The following HDC variants were observed in gnomAD, a reference collection of about 807,000 sequenced individuals.
The protein encoded by HDC is histidine decarboxylase.
In HDC, 27 loss-of-function variants were observed where a neutral mutation model predicts 64.4. The ratio of observed to expected loss-of-function variants is 0.42; its 90% CI spans 0.31 to 0.58. HDC has a LOEUF of 0.58. Among genes scored for constraint, HDC ranks in the 20% least tolerant of loss-of-function variants. The probability of loss-of-function intolerance (pLI) is 0.16; values close to 1 mark genes in which losing one functional copy is unlikely to be tolerated. For missense variants in HDC, 711 were observed against 833.9 expected (o/e 0.85, Z 1.81); for synonymous variants, 305 against 314.2 (o/e 0.97, Z 0.31).
At chr15:50,262,281 T>C (rs2045714200) in intron 2 of HDC, among the ~76,000 whole-genome samples, 1 of 152,178 alleles carries the variant, frequency 6.6e-6, no homozygotes, top group Admixed American at 6.5e-5. Flanking sequence ...GGTAAAATCC[T>C]GGATCTACCA....
intron 5 of HDC, 60 bp from the exon 6 acceptor site, chr15:50,254,333 A>T: frequency 1.2e-6 from 2 of 1,603,168 alleles, no homozygotes; most frequent in Non-Finnish European, 1.7e-6. Context: ...ACCCCCCAGA[A>T]ACTGCTGAAG....
intron 4 of HDC, among the ~76,000 whole-genome samples, chr15:50,257,109 T>C (rs1420862952): frequency 6.6e-6 from 1 of 152,200 alleles, no homozygotes; most frequent in Non-Finnish European, 1.5e-5. Context: ...TTTCCCCTTT[T>C]ACCGTGAGAT....
At chr15:50,244,648 T>C (rs942608136) in intron 10 of HDC, 1 of 152,196 alleles carries the variant, frequency 6.6e-6, no homozygotes, top group Non-Finnish European at 1.5e-5. Flanking sequence ...TTTCTCCAAA[T>C]CTTTCTCAGA....
chr15:50,242,245 C>CT lies in HDC; in HGVS notation c.*14dup. ...CCTGAAGTATATCCTCAGACTCTGG[C>CT]TGAAGGCCCTGTGTCTAAACCATGG... On this transcript the variant is annotated 3_prime_UTR_variant, in exon 12 of 12. Transcript: ENST00000267845. 6.2e-7 allele frequency: 1 copy of CT among 1,610,432 alleles called. No homozygotes were observed. Among genetic ancestry groups the CT allele is most frequent in the Non-Finnish European group, 8.5e-7 (1 of 1,176,638 alleles).
intron 9 of HDC, among the ~76,000 whole-genome samples, chr15:50,249,892 T>A (rs2045531756): frequency 6.6e-6 from 1 of 152,252 alleles, no homozygotes; most frequent in Admixed American, 6.5e-5. Flanking sequence ...CCAAAACTGA[T>A]CCATGCTGAC....
chr15:50,263,788 A>AT (rs2045735770), intron 1 of HDC, among the ~76,000 whole-genome samples: 1 of 152,174 alleles, frequency 6.6e-6, no homozygotes, highest in African/African-American at 2.4e-5. Context: ...CTCAAAAAAA[A>AT]GAGAGAGACA....
At chr15:50,261,391 GGATCTAGCCTCCGTAAAGCCTTACT>G (rs1473652761) in intron 2 of HDC, among the ~76,000 whole-genome samples, 7 of 152,158 alleles carry the variant, frequency 4.6e-5, no homozygotes, top group African/African-American at 1.7e-4. Context: ...AATCTTATCA[GGATCTAGCCTCCGTAAAGCCTTACT>G]GATATTGACA....
chr15:50,249,588 G>A (rs2045527390), intron 9 of HDC, among the ~76,000 whole-genome samples: 2 of 152,146 alleles, frequency 1.3e-5, no homozygotes, highest in African/African-American at 4.8e-5. Context: ...GCAGCTTGGG[G>A]GCTTTTGTGC....
Position 50,252,736 on chromosome 15 carries a change from AAGC to A in HDC, c.823_825del (p.Ala275del). On this transcript the variant is annotated inframe_deletion, in exon 8 of 12. Coordinates refer to ENST00000267845, the MANE Select transcript of HDC (RefSeq NM_002112.4). Reference sequence around the variant, plus strand: ...GGGCACAGGAAGGCAGTGCCTGCATAAGCAGCATCGATGTGGAGCCACAGCCCC... The same window carrying A: ...GGGCACAGGAAGGCAGTGCCTGCATAAGCATCGATGTGGAGCCACAGCCCC... 1 of 1,614,010 alleles carries A rather than the reference AAGC, an allele frequency of 6.2e-7. No individual in the cohort carries two copies. Among genetic ancestry groups the A allele is most frequent in the Middle Eastern group, 1.6e-4 (1 of 6,062 alleles).
intron 4 of HDC, among the ~76,000 whole-genome samples, chr15:50,254,984 C>A (rs950319103): frequency 6.6e-6 from 1 of 152,102 alleles, no homozygotes; most frequent in African/African-American, 2.4e-5. Context: ...GATGTGTTTG[C>A]TCCCCATGTA....
intron 9 of HDC, among the ~76,000 whole-genome samples, chr15:50,251,423 C>G (rs1306813025): frequency 6.6e-6 from 1 of 152,206 alleles, no homozygotes; most frequent in African/African-American, 2.4e-5. Flanking sequence ...TCTCATTTTA[C>G]AGATAAGGAA....
intron 2 of HDC, among the ~76,000 whole-genome samples, chr15:50,262,261 A>T (rs1413833485): frequency 6.6e-6 from 1 of 152,080 alleles, no homozygotes; most frequent in African/African-American, 2.4e-5. Flanking sequence ...GTGAAGTAAG[A>T]CTGGTCTAGG....
At chr15:50,257,297 G>C in intron 4 of HDC, 128 bp downstream of exon 4, 1 of 1,131,138 alleles carries the variant, frequency 8.8e-7, no homozygotes, top group East Asian at 2.4e-5. Context: ...TGATGGTGCT[G>C]TTGGTGATGA....
At chr15:50,254,019 G>A in intron 6 of HDC, 111 bp downstream of exon 6, 2 of 1,133,806 alleles carry the variant, frequency 1.8e-6, no homozygotes, top group Non-Finnish European at 2.6e-6. Flanking sequence ...TACTGTATGG[G>A]AGGACCTTTC....
At position 50,242,680 on chromosome 15, in the gene HDC, G is replaced by C. The variant is rs1482348453; in HGVS notation, c.1569C>G (p.Ile523Met). 1 of 1,614,182 alleles carries C rather than the reference G, an allele frequency of 6.2e-7. No individual in the cohort carries two copies. The highest frequency in any genetic ancestry group is 8.5e-7 in the Non-Finnish European group (1 of 1,180,030). The change falls in exon 12 of 12, where the codon ATC (isoleucine) becomes ATG (methionine). Residue 523 changes from isoleucine to methionine, a missense_variant. By Grantham distance (10) the Ile-to-Met change is conservative (BLOSUM62 1). Coordinates refer to ENST00000267845, the MANE Select transcript of HDC (RefSeq NM_002112.4). The stretch of plus-strand genomic sequence containing the variant: ...CGGCTCCCACACGCTGAGGCTGCTT[G>C]ATGATCTTCCTGGCCTGGACTGGAT... ...GDDPVQARKI[I>M]KQPQRVGAGP...
intron 1 of HDC, 111 bp from the exon 2 acceptor site, chr15:50,263,518 T>C: frequency 9.7e-7 from 1 of 1,035,000 alleles, no homozygotes; most frequent in African/African-American, 1.6e-5. Flanking sequence ...GGAGATGGAT[T>C]TGGCCGGGCA....
chr15:50,251,445 G>C (rs2045552937), intron 9 of HDC, among the ~76,000 whole-genome samples: 1 of 152,174 alleles, frequency 6.6e-6, no homozygotes, highest in Admixed American at 6.5e-5. Flanking sequence ...GCAAGGCTCA[G>C]AGAGGTCCAG....
At chr15:50,258,568 C>G (rs752369992) in intron 2 of HDC, 51 bp from the exon 3 acceptor site, 4 of 1,076,484 alleles carry the variant, frequency 3.7e-6, no homozygotes, top group South Asian at 1.3e-5. Flanking sequence ...TTCCAGCAGG[C>G]TTTCTTTCTC....
intron 9 of HDC, among the ~76,000 whole-genome samples, chr15:50,250,358 A>G (rs1201432492): frequency 6.6e-6 from 1 of 152,194 alleles, no homozygotes; most frequent in Non-Finnish European, 1.5e-5. Flanking sequence ...ATGGACTTGA[A>G]AATCAAATCC....
Sources: gnomAD v4.1 joint callset for allele counts (sites outside exome capture counted in the v4.1 genomes callset) on GRCh38, gnomAD v4.1.1 for gene constraint, MANE v1.5 for transcripts, NCBI Gene and HGNC (gene_info 2026-07-23, HGNC 2026-07-21) for gene names.